L3HYPDH: variants seen among roughly 807,000 people sequenced by gnomAD.
The protein encoded by L3HYPDH is trans-3-hydroxy-L-proline dehydratase.
Under a neutral mutation model 26.5 loss-of-function variants are expected in L3HYPDH, and 32 were observed. The observed-to-expected ratio is 1.21, with a 90% CI of 0.91 to 1.62. The LOEUF is 1.62. L3HYPDH is among the 40% of genes most tolerant of loss of function. L3HYPDH has a pLI of 0.00. For missense variants in L3HYPDH, 554 were observed against 476.4 expected (o/e 1.16, Z -1.52); for synonymous variants, 215 against 196.6 (o/e 1.09, Z -0.78).
At chr14:59,492,132 C>T in the L3HYPDH span, among the ~76,000 whole-genome samples, 40,450 of 151,744 alleles carry the variant, frequency 0.27, 5,696 homozygotes, top group South Asian at 0.4. Context: ...GTAACTGCTA[C>T]CTATAAAGAA....
chr14:59,502,970 A>G, the L3HYPDH span, among the ~76,000 whole-genome samples: 86,548 of 151,150 alleles, frequency 0.57, 26,502 homozygotes, highest in East Asian at 0.82. Flanking sequence ...GGCTGGTCTC[A>G]AACTCCTGAC....
At chr14:59,468,687 GTTTAT>G (rs914324208), downstream of L3HYPDH, among the ~76,000 whole-genome samples, 13 of 152,262 alleles carry the variant, frequency 8.5e-5, no homozygotes, top group East Asian at 2.5e-3. Flanking sequence ...AACCTTGCCT[GTTTAT>G]TTTATGAGAT....
chr14:59,492,036 A>G, the L3HYPDH span, among the ~76,000 whole-genome samples: 1 of 152,216 alleles, frequency 6.6e-6, no homozygotes, highest in Admixed American at 6.5e-5. Context: ...TAAATAAAAT[A>G]GCACTAGGAC....
chr14:59,466,310 A>G (rs1206006120), intron 1 of L3HYPDH, among the ~76,000 whole-genome samples: 3 of 152,230 alleles, frequency 2.0e-5, no homozygotes, highest in Non-Finnish European at 4.4e-5. Flanking sequence ...CGGGGAAAAG[A>G]AAGGCAGGGC....
chr14:59,498,575 G>A, the L3HYPDH span, among the ~76,000 whole-genome samples: 6,010 of 152,274 alleles, frequency 0.039, 158 homozygotes, highest in Non-Finnish European at 0.058. Context: ...ATGACAGCCT[G>A]TTTGGCCAGC....
At chr14:59,465,865 A>G (rs1414566931) in intron 1 of L3HYPDH, among the ~76,000 whole-genome samples, 1 of 152,220 alleles carries the variant, frequency 6.6e-6, no homozygotes, top group African/African-American at 2.4e-5. Context: ...AATACAAGTG[A>G]CGAGGTCTGA....
At chr14:59,499,110 G>A in the L3HYPDH span, among the ~76,000 whole-genome samples, 7 of 130,704 alleles carry the variant, frequency 5.4e-5, no homozygotes, top group South Asian at 2.6e-4. Flanking sequence ...TGCAACCTCC[G>A]CCTCCTGGGT....
the L3HYPDH span, among the ~76,000 whole-genome samples, chr14:59,499,209 G>A: frequency 6.6e-6 from 1 of 150,962 alleles, no homozygotes; most frequent in Non-Finnish European, 1.5e-5. Context: ...TTTTTTTTTA[G>A]TAGAGACGGG....
At chr14:59,481,445 A>T (rs1366356837) in intron 1 of L3HYPDH, among the ~76,000 whole-genome samples, 2 of 152,198 alleles carry the variant, frequency 1.3e-5, no homozygotes, top group Non-Finnish European at 2.9e-5. Flanking sequence ...GCTTGGGGTC[A>T]AACCCAGGAC....
rs369002443 is a variant in L3HYPDH, at chr14:59,476,024, A to T, written c.802-18T>A. 1.2e-5 allele frequency: 19 copies of T among 1,613,734 alleles called. No homozygotes were observed. The highest frequency in any genetic ancestry group is 1.6e-5 in the Non-Finnish European group (19 of 1,179,858). ...CTGTCAACCTGTTTCAGAATAAATG[A>T]AGACAGAATGTTCATAGTGTGTTCC... On this transcript the variant is annotated intron_variant, in intron 3 of 4. Transcript: ENST00000247194.
intron 1 of L3HYPDH, among the ~76,000 whole-genome samples, chr14:59,480,354 G>T (rs1889931568): frequency 6.6e-6 from 1 of 152,218 alleles, no homozygotes; most frequent in Non-Finnish European, 1.5e-5. Flanking sequence ...AGAGGATGGG[G>T]AGGCAGTGCA....
downstream of L3HYPDH, among the ~76,000 whole-genome samples, chr14:59,472,443 G>GGCA (rs1889339977): frequency 6.6e-6 from 1 of 152,162 alleles, no homozygotes; most frequent in Non-Finnish European, 1.5e-5. Flanking sequence ...AGAACACCCT[G>GGCA]GCAGCAGCTA....
the L3HYPDH span, chr14:59,495,079 A>G: frequency 6.2e-7 from 1 of 1,613,860 alleles, no homozygotes; most frequent in South Asian, 1.1e-5. Flanking sequence ...AGCTATTATC[A>G]CCTTACTTGT....
upstream of L3HYPDH, chr14:59,486,102 G>A (rs1188151890): frequency 2.6e-5 from 4 of 152,206 alleles, no homozygotes; most frequent in African/African-American, 7.2e-5. Flanking sequence ...TTTTAATGCA[G>A]TGGTTTCTAA....
downstream of L3HYPDH, among the ~76,000 whole-genome samples, chr14:59,468,897 G>A (rs1889252097): frequency 6.6e-6 from 1 of 152,168 alleles, no homozygotes; most frequent in Non-Finnish European, 1.5e-5. Context: ...ATAGATTAGG[G>A]TAGGTAGTAT....
In L3HYPDH at chr14:59,480,033, G is replaced by C. The variant is rs531237904; in HGVS notation, c.509-682C>G. On this transcript the variant is annotated intron_variant, in intron 1 of 4. Transcript: ENST00000247194. ...TTGAATCTGTATTTCCAAAGAAAGG[G>C]GGCTGGGTGATGTTTATTTCGCCCC... Among the ~76,000 whole-genome samples, 10 of 152,228 alleles carry C rather than the reference G, an allele frequency of 6.6e-5. No individual in the cohort carries two copies. The South Asian group carries it at 1.9e-3, about 28-fold the overall frequency.
the L3HYPDH span, chr14:59,495,044 C>T: frequency 4.3e-6 from 7 of 1,613,842 alleles, no homozygotes; most frequent in Middle Eastern, 1.6e-4. Context: ...CAACACATCA[C>T]TGCATTATTT....
At chr14:59,504,130 A>G in the L3HYPDH span, 1 of 989,082 alleles carries the variant, frequency 1.0e-6, no homozygotes, top group Non-Finnish European at 1.6e-6. Context: ...AAAGTAAATC[A>G]ATCTTAACAG....
At chr14:59,503,275 C>T in the L3HYPDH span, among the ~76,000 whole-genome samples, 186 of 152,208 alleles carry the variant, frequency 1.2e-3, no homozygotes, top group Middle Eastern at 3.4e-3. Context: ...TTGCAAATTA[C>T]GTTTTAATGT....
Sources: gnomAD v4.1 joint callset for allele counts (sites outside exome capture counted in the v4.1 genomes callset) on GRCh38, gnomAD v4.1.1 for gene constraint, MANE v1.5 for transcripts, NCBI Gene and HGNC (gene_info 2026-07-23, HGNC 2026-07-21) for gene names.